The following MEGF11 variants were observed in gnomAD, a reference collection of about 807,000 sequenced individuals.
MEGF11 encodes multiple EGF like domains 11, also known as multiple epidermal growth factor-like domains protein 11.
In MEGF11, 126 loss-of-function variants were observed where a neutral mutation model predicts 146.6. That is an observed-to-expected ratio of 0.86 (90% CI 0.74 to 1.00). The LOEUF is 1.00. Ranked by LOEUF, MEGF11 falls within the 50% of genes least tolerant of loss-of-function variation. The pLI, the probability that MEGF11 is intolerant of heterozygous loss-of-function variation, is 0.00. For synonymous variants in MEGF11, 532 were observed against 583.4 expected, an observed-to-expected ratio of 0.91 and a Z score of 1.27; for missense variants, 1,509 against 1,521.2, an observed-to-expected ratio of 0.99 and a Z score of 0.13.
intron 1 of MEGF11, among the ~76,000 whole-genome samples, chr15:66,164,284 C>A (rs961806038): frequency 1.3e-5 from 2 of 152,182 alleles, no homozygotes; most frequent in Non-Finnish European, 2.9e-5. Flanking sequence ...AGAATTGTTG[C>A]ACTGCACAGC....
At chr15:66,128,186 C>A in intron 2 of MEGF11, 120 bp downstream of exon 2, 1 of 559,824 alleles carries the variant, frequency 1.8e-6, no homozygotes, top group South Asian at 3.7e-5. Flanking sequence ...GCCATCTCCC[C>A]AGCCAGGCTG....
At chr15:66,198,705 C>T (rs1297282744) in intron 1 of MEGF11, among the ~76,000 whole-genome samples, 1 of 152,138 alleles carries the variant, frequency 6.6e-6, no homozygotes, top group African/African-American at 2.4e-5. Context: ...AGGCTGGTCT[C>T]AAACTCCTGA....
intron 4 of MEGF11, among the ~76,000 whole-genome samples, chr15:66,110,369 T>A (rs958501567): frequency 3.3e-5 from 5 of 152,344 alleles, no homozygotes; most frequent in Admixed American, 3.3e-4. Flanking sequence ...TCTCAGCTAC[T>A]CTGAACATTC....
chr15:66,061,402 A>C (rs1871003), intron 5 of MEGF11, among the ~76,000 whole-genome samples: 152,325 of 152,330 alleles, frequency 1, 76,160 homozygotes, highest in Non-Finnish European at 1. Context: ...CACACGTCAG[A>C]CTTAGCCTCC....
chr15:66,200,142 T>C (rs1288076997), intron 1 of MEGF11, among the ~76,000 whole-genome samples: 1 of 152,262 alleles, frequency 6.6e-6, no homozygotes, highest in Non-Finnish European at 1.5e-5. Flanking sequence ...GAAGCTTTGT[T>C]TGCCTTTGCC....
intron 1 of MEGF11, among the ~76,000 whole-genome samples, chr15:66,202,729 A>T (rs2091197229): frequency 1.3e-5 from 2 of 152,198 alleles, no homozygotes; most frequent in Admixed American, 6.5e-5. Context: ...AGGACTGGTC[A>T]GTTTCTTTCA....
At chr15:66,167,814 A>T (rs2090141568) in intron 1 of MEGF11, among the ~76,000 whole-genome samples, 1 of 152,228 alleles carries the variant, frequency 6.6e-6, no homozygotes, top group Non-Finnish European at 1.5e-5. Flanking sequence ...ATCTGCTCAA[A>T]ACATGGGTAA....
At position 65,970,673 on chromosome 15, in the gene MEGF11, T is replaced by G; in HGVS notation, c.779A>C (p.Gln260Pro). 1 of 1,612,054 alleles carries G rather than the reference T, an allele frequency of 6.2e-7. No homozygotes were observed. The highest frequency in any genetic ancestry group is 1.1e-5 in the South Asian group (1 of 90,522). Residue 260 changes from glutamine (Q) to proline (P), a missense_variant, in exon 8 of 26, where the codon CAG becomes CCG. By Grantham distance (76) the Gln-to-Pro change is moderately conservative. Coordinates refer to ENST00000395614, the MANE Select transcript of MEGF11 (RefSeq NM_001385028.1). ...PPGWTGAVCAQPCPPGTFGQN... is the reference protein window; with the variant it reads ...PPGWTGAVCAPPCPPGTFGQN... ...GCCAAATGTCCCTGGTGGGCAGGGC[T>G]GGGCACACACTGCTCCCTAAAAGAA...
At chr15:66,059,236 G>A (rs1031270776) in intron 5 of MEGF11, among the ~76,000 whole-genome samples, 1 of 152,174 alleles carries the variant, frequency 6.6e-6, no homozygotes, top group Non-Finnish European at 1.5e-5. Context: ...CCTCCCCCGC[G>A]CCATCCTCAC....
At position 66,036,623 on chromosome 15, in the gene MEGF11, G is replaced by A. The variant is rs900335869; in HGVS notation, c.395-54135C>T. Among the ~76,000 whole-genome samples the A allele has an allele frequency of 9.2e-5, 14 of 152,138 alleles. 1 individual carries two copies. The highest frequency in any genetic ancestry group is 4.1e-4 in the South Asian group (2 of 4,824). On this transcript the variant is annotated intron_variant, in intron 5 of 25. Transcript: ENST00000395614. Reference sequence around the variant, plus strand: ...ACACCGAGTCACACCTGCCTTGACCGTCATTTCATCTTTGGAGTCCATGTC... The same window carrying A: ...ACACCGAGTCACACCTGCCTTGACCATCATTTCATCTTTGGAGTCCATGTC...
chr15:66,116,445 C>G (rs1037200552), intron 4 of MEGF11, among the ~76,000 whole-genome samples: 2 of 152,172 alleles, frequency 1.3e-5, no homozygotes, highest in East Asian at 3.8e-4. Flanking sequence ...CTGTAGCATA[C>G]TCTAAGTCCC....
intron 1 of MEGF11, among the ~76,000 whole-genome samples, chr15:66,232,270 C>G (rs1472101144): frequency 1.3e-5 from 2 of 152,220 alleles, no homozygotes; most frequent in African/African-American, 4.8e-5. Context: ...TAGCAACTTC[C>G]CAGACCCATA....
intron 24 of MEGF11, among the ~76,000 whole-genome samples, chr15:65,899,531 A>G (rs1039969060): frequency 5.3e-5 from 8 of 152,178 alleles, no homozygotes; most frequent in African/African-American, 1.9e-4. Flanking sequence ...ATGACTGAGA[A>G]GCTTAGGTTC....
chr15:66,141,289 T>TGTGA lies in MEGF11; in HGVS notation c.-8-12879_-8-12878insTCAC, dbSNP rs1555475806. Among the ~76,000 whole-genome samples the TGTGA allele has an allele frequency of 2.0e-3, 200 of 101,210 alleles. 2 individuals are homozygous for TGTGA. Among genetic ancestry groups the TGTGA allele is most frequent in the African/African-American group, 7.3e-3 (181 of 24,638 alleles). 66.4% of individuals were successfully genotyped at this position (101,210 alleles called of 152,430 possible). On this transcript the variant is annotated intron_variant, in intron 1 of 25. Transcript: ENST00000395614. Reference sequence around the variant, plus strand: ...GTGTGTGTGTGTGTGTGTGTGTGTGTGAGAGAGAGAGAGAGAGAGACAGGG... The same window carrying TGTGA: ...GTGTGTGTGTGTGTGTGTGTGTGTGTGTGAGAGAGAGAGAGAGAGAGAGACAGGG...
intron 1 of MEGF11, among the ~76,000 whole-genome samples, chr15:66,136,336 G>C (rs1412565225): frequency 6.6e-6 from 1 of 152,084 alleles, no homozygotes; most frequent in South Asian, 2.1e-4. Context: ...GGCCTCTTTT[G>C]TGTGCTCCAT....
intron 6 of MEGF11, among the ~76,000 whole-genome samples, chr15:65,981,649 G>T (rs1248396351): frequency 6.6e-6 from 1 of 152,138 alleles, no homozygotes; most frequent in Non-Finnish European, 1.5e-5. Context: ...TGCCTCTGAG[G>T]GGGTCTCAGC....
intron 5 of MEGF11, among the ~76,000 whole-genome samples, chr15:66,013,865 A>G (rs2082792139): frequency 6.6e-6 from 1 of 152,224 alleles, no homozygotes; most frequent in Non-Finnish European, 1.5e-5. Flanking sequence ...AGGCAAGTGA[A>G]GGCAAAGAGA....
chr15:65,990,875 T>G (rs7169245), intron 5 of MEGF11, among the ~76,000 whole-genome samples: 5,982 of 152,158 alleles, frequency 0.039, 432 homozygotes, highest in African/African-American at 0.14. Flanking sequence ...GAGGTGTGTT[T>G]GTATGAAAAA....
At chr15:65,974,888 C>T (rs555954808) in intron 7 of MEGF11, among the ~76,000 whole-genome samples, 3 of 152,060 alleles carry the variant, frequency 2.0e-5, no homozygotes, top group Admixed American at 2.0e-4. Flanking sequence ...TCTTGTTGCC[C>T]GGGCTGGAGT....
Sources: allele counts gnomAD v4.1 joint callset (sites outside exome capture counted in the v4.1 genomes callset), GRCh38; gene constraint gnomAD v4.1.1; transcripts MANE v1.5; gene names NCBI Gene and HGNC (gene_info 2026-07-23, HGNC 2026-07-21).